Variants in RPS6KA2 observed in about 807,000 individuals in gnomAD.
RPS6KA2 encodes ribosomal protein S6 kinase alpha-2.
In RPS6KA2, 42 loss-of-function variants were observed where a neutral mutation model predicts 91.8. The ratio of observed to expected loss-of-function variants is 0.46; its 90% CI spans 0.36 to 0.59. RPS6KA2 has a LOEUF of 0.59. RPS6KA2 is among the 20% of genes least tolerant of loss of function. The probability of loss-of-function intolerance (pLI) is 0.00; values close to 1 mark genes in which losing one functional copy is unlikely to be tolerated. For synonymous variants in RPS6KA2, 414 were observed against 393.6 expected (o/e 1.05, Z -0.61); for missense variants, 798 against 978.5 (o/e 0.82, Z 2.46).
intron 11 of RPS6KA2, 107 bp downstream of exon 11, chr6:166,469,734 C>A: frequency 2.0e-6 from 2 of 1,024,642 alleles, no homozygotes; most frequent in Non-Finnish European, 3.1e-6. Context: ...TCACCTCCGA[C>A]CTACTTGTGA....
intron 2 of RPS6KA2, among the ~76,000 whole-genome samples, chr6:166,811,138 G>A (rs1024802982): frequency 6.6e-6 from 1 of 152,152 alleles, no homozygotes; most frequent in Non-Finnish European, 1.5e-5. Flanking sequence ...CATGCCATGC[G>A]GGTGCTCCAA....
At chr6:166,431,329 A>G (rs1051171886) in intron 15 of RPS6KA2, among the ~76,000 whole-genome samples, 1 of 152,230 alleles carries the variant, frequency 6.6e-6, no homozygotes, top group Non-Finnish European at 1.5e-5. Flanking sequence ...CGTGCATCCA[A>G]TCCAATCTTG....
At position 166,435,514 on chromosome 6, in the gene RPS6KA2, C is replaced by CA. The variant is rs2128447520; in HGVS notation, c.1333-3025dup. Reference sequence around the variant, plus strand: ...GGAACCCCCAAAGCACCTCTGTCAACAACCAAACACCACACACCAGCTGTT... The same window carrying CA: ...GGAACCCCCAAAGCACCTCTGTCAACAAACCAAACACCACACACCAGCTGTT... On this transcript the variant is annotated intron_variant, in intron 14 of 20. Transcript: ENST00000265678. The surrounding 1 kb of genome is among the most constrained non-coding windows in gnomAD (Gnocchi z 4.3). 6.6e-6 allele frequency among the ~76,000 whole-genome samples: 1 copy of CA among 152,326 alleles called. No individual in the cohort carries two copies. Among genetic ancestry groups the CA allele is most frequent in the East Asian group, 1.9e-4 (1 of 5,184 alleles).
chr6:166,503,547 C>T (rs59301041), intron 6 of RPS6KA2, among the ~76,000 whole-genome samples: 356 of 152,264 alleles, frequency 2.3e-3, no homozygotes, highest in African/African-American at 8.0e-3. Context: ...CAAGGCCGGT[C>T]GGTCCCACCA....
chr6:166,644,867 A>G lies in RPS6KA2; in HGVS notation c.124-106083T>C, dbSNP rs544016054. On this transcript the variant is annotated intron_variant, in intron 2 of 21. Transcript: ENST00000503859. ...AATCCAATATGACTGGTGTCCTTAT[A>G]AGGAGAGACACATACACACAGAGGA... Among the ~76,000 whole-genome samples, 32 of 152,342 alleles carry G rather than the reference A, an allele frequency of 2.1e-4. 1 individual carries two copies. The South Asian group carries it at 4.8e-3, about 23-fold the overall frequency.
At chr6:166,486,963 G>A (rs1304255212) in intron 10 of RPS6KA2, among the ~76,000 whole-genome samples, 1 of 152,172 alleles carries the variant, frequency 6.6e-6, no homozygotes, top group Non-Finnish European at 1.5e-5. Flanking sequence ...CCGTGGCCGA[G>A]ACACCGTCCT....
At chr6:166,464,353 T>C (rs959624668) in intron 11 of RPS6KA2, among the ~76,000 whole-genome samples, 23 of 152,200 alleles carry the variant, frequency 1.5e-4, no homozygotes, top group Non-Finnish European at 3.4e-4. Flanking sequence ...TCACAGCTAA[T>C]GGTGTGCTTG....
chr6:166,570,757 A>G (rs963170725), intron 1 of RPS6KA2, among the ~76,000 whole-genome samples: 1 of 152,250 alleles, frequency 6.6e-6, no homozygotes, highest in Non-Finnish European at 1.5e-5. Context: ...AATATTTAAT[A>G]GTGAATATTA....
chr6:166,428,148 C>T (rs569822810), intron 16 of RPS6KA2, among the ~76,000 whole-genome samples: 4 of 152,054 alleles, frequency 2.6e-5, no homozygotes, highest in South Asian at 4.2e-4. Flanking sequence ...GAAATAACGC[C>T]GCTTATCTAC....
chr6:166,794,385 G>A (rs1352059852), intron 2 of RPS6KA2, among the ~76,000 whole-genome samples: 2 of 152,156 alleles, frequency 1.3e-5, no homozygotes, highest in Non-Finnish European at 2.9e-5. Flanking sequence ...GGAGAAATAG[G>A]AACACTTTTG....
chr6:166,589,880 C>T (rs1416378339), intron 1 of RPS6KA2, among the ~76,000 whole-genome samples: 1 of 152,128 alleles, frequency 6.6e-6, no homozygotes, highest in Non-Finnish European at 1.5e-5. Context: ...TGGAGAGAGA[C>T]TTGGGATCTT....
chr6:166,773,006 C>A (rs1414585056), intron 2 of RPS6KA2, among the ~76,000 whole-genome samples: 1 of 152,170 alleles, frequency 6.6e-6, no homozygotes, highest in Non-Finnish European at 1.5e-5. Flanking sequence ...CCTTCTCTTC[C>A]TCCAAACTGG....
intron 3 of RPS6KA2, among the ~76,000 whole-genome samples, chr6:166,523,970 G>C (rs1459428922): frequency 6.6e-6 from 1 of 152,160 alleles, no homozygotes; most frequent in South Asian, 2.1e-4. Flanking sequence ...CATCTTACAG[G>C]ACGTGCTCCA....
At chr6:166,654,033 T>G (rs1478756963) in intron 2 of RPS6KA2, among the ~76,000 whole-genome samples, 1 of 152,242 alleles carries the variant, frequency 6.6e-6, no homozygotes, top group Non-Finnish European at 1.5e-5. Flanking sequence ...ACTGTGAAAC[T>G]AGGGAAGACT....
intron 2 of RPS6KA2, chr6:166,702,252 G>A (rs1263588454): frequency 5.6e-6 from 9 of 1,612,976 alleles, no homozygotes; most frequent in Non-Finnish European, 7.6e-6. Flanking sequence ...AAATCACATG[G>A]TTTCTGCTTG....
At chr6:166,576,774 T>C (rs766502669) in intron 1 of RPS6KA2, among the ~76,000 whole-genome samples, 15 of 152,186 alleles carry the variant, frequency 9.9e-5, no homozygotes, top group Non-Finnish European at 1.8e-4. Context: ...GAGGGGAAAT[T>C]CAAGCCGGTT....
At chr6:166,560,022 C>T (rs1013380453) in intron 1 of RPS6KA2, among the ~76,000 whole-genome samples, 1 of 152,172 alleles carries the variant, frequency 6.6e-6, no homozygotes, top group Non-Finnish European at 1.5e-5. Flanking sequence ...CATGACCTTC[C>T]CTGACACTAG....
intron 1 of RPS6KA2, among the ~76,000 whole-genome samples, chr6:166,578,422 T>C (rs139584427): frequency 0.01 from 1,534 of 152,306 alleles, 8 homozygotes; most frequent in Non-Finnish European, 0.014. Flanking sequence ...GGCATCATTA[T>C]GTAGGAGCTG....
intron 2 of RPS6KA2, among the ~76,000 whole-genome samples, chr6:166,854,709 G>A (rs780617636): frequency 1.3e-5 from 2 of 152,186 alleles, no homozygotes; most frequent in Non-Finnish European, 2.9e-5. Context: ...ATGTTGGCAA[G>A]GATGCAGAGA....
Sources: gnomAD v4.1 joint callset for allele counts (sites outside exome capture counted in the v4.1 genomes callset) on GRCh38, gnomAD v4.1.1 for gene constraint, Gnocchi (gnomAD v3.1) non-coding constraint, MANE v1.5 for transcripts, NCBI Gene and HGNC (gene_info 2026-07-23, HGNC 2026-07-21) for gene names.